The following MLLT1 variants were observed in gnomAD, a reference collection of about 807,000 sequenced individuals.
The protein encoded by MLLT1 is protein ENL.
Under a neutral mutation model 55.1 loss-of-function variants are expected in MLLT1, and 11 were observed. The ratio of observed to expected loss-of-function variants is 0.20; its 90% CI spans 0.13 to 0.33. MLLT1 has a LOEUF of 0.33. Ranked by LOEUF, MLLT1 falls within the 10% of genes least tolerant of loss-of-function variation. MLLT1 has a pLI of 1.00. For missense variants in MLLT1, 536 were observed against 760.6 expected, an observed-to-expected ratio of 0.70 and a Z score of 3.47; for synonymous variants, 323 against 320.1, an observed-to-expected ratio of 1.01 and a Z score of -0.10.
In MLLT1 at chr19:6,270,139, G is replaced by A. The variant is rs542893288; in HGVS notation, c.193+440C>T. Among the ~76,000 whole-genome samples, 3 of 151,076 alleles carry A rather than the reference G, an allele frequency of 2.0e-5. No homozygotes were observed. The highest frequency in any genetic ancestry group is 1.3e-4 in the Admixed American group (2 of 15,094). On this transcript the variant is annotated intron_variant, in intron 2 of 11. Coordinates refer to ENST00000252674, the MANE Select transcript of MLLT1 (RefSeq NM_005934.4). The surrounding 1 kb of genome is among the most constrained non-coding windows in gnomAD (Gnocchi z 7.1). ...ACTCGTGCTGAATCAATGACGGCCT[G>A]AGGCTTGAAGGGAGAGGGAAGACAC...
intron 2 of MLLT1, among the ~76,000 whole-genome samples, chr19:6,265,517 A>T (rs969266299): frequency 1.3e-5 from 2 of 152,098 alleles, no homozygotes; most frequent in African/African-American, 4.8e-5. Context: ...ATAAAAATAC[A>T]AAATTAGCAA....
At chr19:6,267,086 C>T (rs1202922651) in intron 2 of MLLT1, among the ~76,000 whole-genome samples, 3 of 151,986 alleles carry the variant, frequency 2.0e-5, no homozygotes, top group South Asian at 4.1e-4. Flanking sequence ...GGCAACACAG[C>T]GACACCCCCA....
In MLLT1 at chr19:6,219,977, G is replaced by A. The variant is rs1253762093; in HGVS notation, c.1111-1936C>T. ...AGGTGGTGTGATCAGAAGGGCCACC[G>A]GAGCACGCCCGGGGCTCAGAGGGAG... On this transcript the variant is annotated intron_variant, in intron 6 of 11. Transcript: ENST00000252674. The surrounding 1 kb of genome is among the most constrained non-coding windows in gnomAD (Gnocchi z 4.5). 2.0e-5 allele frequency among the ~76,000 whole-genome samples: 3 copies of A among 152,246 alleles called. No homozygotes were observed. Among genetic ancestry groups the A allele is most frequent in the African/African-American group, 4.8e-5 (2 of 41,466 alleles).
In MLLT1 at chr19:6,230,925, C is replaced by A. The variant is rs1294472818; in HGVS notation, c.277-212G>T. Among the ~76,000 whole-genome samples, 1 of 152,166 alleles carries A rather than the reference C, an allele frequency of 6.6e-6. No individual in the cohort carries two copies. Among genetic ancestry groups the A allele is most frequent in the East Asian group, 1.9e-4 (1 of 5,176 alleles). The stretch of plus-strand genomic sequence containing the variant: ...GTGCAGCTAACTGGGTCTTGCAGGC[C>A]CCATGGCAGAAAGAAAGCTCATTCA... On this transcript the variant is annotated intron_variant, in intron 3 of 11. Transcript: ENST00000252674. This position sits in a 1 kb window ranked among gnomAD's most constrained non-coding sequence, Gnocchi z 9.0.
chr19:6,251,846 C>T (rs10414303), intron 3 of MLLT1, among the ~76,000 whole-genome samples: 3,410 of 152,058 alleles, frequency 0.022, 144 homozygotes, highest in African/African-American at 0.078. Flanking sequence ...CCCAGCCACT[C>T]GGAAAGCTGA....
intron 3 of MLLT1, among the ~76,000 whole-genome samples, chr19:6,249,516 G>A (rs773963169): frequency 2.3e-4 from 35 of 152,128 alleles, no homozygotes; most frequent in Non-Finnish European, 4.6e-4. Context: ...GCCCCAGCAT[G>A]TCCTCCCAGC....
chr19:6,230,294 C>T lies in MLLT1; in HGVS notation c.420+276G>A, dbSNP rs1248779872. Among the ~76,000 whole-genome samples the T allele has an allele frequency of 3.3e-5, 5 of 152,352 alleles. No individual in the cohort carries two copies. Among genetic ancestry groups the T allele is most frequent in the South Asian group, 4.1e-4 (2 of 4,830 alleles). ...CAGCCACGCGGTCAGACCAGCCTCG[C>T]GCCCATCCCTTCCCAGCACTTCCTG... On this transcript the variant is annotated intron_variant, in intron 4 of 11. Coordinates refer to ENST00000252674, the MANE Select transcript of MLLT1 (RefSeq NM_005934.4). The surrounding 1 kb of genome is among the most constrained non-coding windows in gnomAD (Gnocchi z 9.0).
intron 1 of MLLT1, among the ~76,000 whole-genome samples, chr19:6,278,856 G>C (rs1262813212): frequency 6.6e-6 from 1 of 152,166 alleles, no homozygotes; most frequent in African/African-American, 2.4e-5. Context: ...GAGTGACCAG[G>C]GCCTGAAACT....
At chr19:6,248,186 C>G (rs546530065) in intron 3 of MLLT1, among the ~76,000 whole-genome samples, 1 of 152,278 alleles carries the variant, frequency 6.6e-6, no homozygotes, top group Non-Finnish European at 1.5e-5. Flanking sequence ...CTGTGCCCAG[C>G]CTGAGATTTT....
chr19:6,211,399 T>C lies in MLLT1; in HGVS notation c.*1643A>G, dbSNP rs1326516249. The C allele has an allele frequency of 4.1e-6, 1 of 242,382 alleles. No individual in the cohort carries two copies. Among genetic ancestry groups the C allele is most frequent in the Non-Finnish European group, 7.9e-6 (1 of 127,000 alleles). The allele number at this position is 242,382 out of a possible 1,614,324, so 15.0% of individuals were successfully genotyped here. A position where few individuals can be genotyped will look rare whatever the true frequency, so the allele number is the denominator to read the frequency against. ...CCTTTCCCCGAGAGTTCTGGGGAGT[T>C]TCCCCAGGACAGCTGGCATTGGGGG... On this transcript the variant is annotated 3_prime_UTR_variant, in exon 12 of 12. Coordinates refer to ENST00000252674, the MANE Select transcript of MLLT1 (RefSeq NM_005934.4). This position sits in a 1 kb window ranked among gnomAD's most constrained non-coding sequence, Gnocchi z 4.6.
chr19:6,253,319 A>G (rs990255013), intron 3 of MLLT1, among the ~76,000 whole-genome samples: 3 of 148,810 alleles, frequency 2.0e-5, no homozygotes, highest in African/African-American at 7.4e-5. Flanking sequence ...CAACACATTG[A>G]TATCAAGAGA....
intron 2 of MLLT1, among the ~76,000 whole-genome samples, chr19:6,264,670 C>T (rs2091332062): frequency 6.6e-6 from 1 of 151,848 alleles, no homozygotes; most frequent in Non-Finnish European, 1.5e-5. Context: ...CTCTGGGAGG[C>T]CGAGGTGGGA....
Position 6,270,247 on chromosome 19 carries a change from T to C in MLLT1, c.193+332A>G, listed in dbSNP as rs923775429. Among the ~76,000 whole-genome samples the C allele has an allele frequency of 1.3e-5, 2 of 150,776 alleles. No homozygotes were observed. The highest frequency in any genetic ancestry group is 1.5e-5 in the Non-Finnish European group (1 of 67,522). ...TCTTCACATGGCACACAAACAAACATAGGCCCGGTCGGCAACTTCCTGATC... is the reference window on the plus strand; with the variant it reads ...TCTTCACATGGCACACAAACAAACACAGGCCCGGTCGGCAACTTCCTGATC... On this transcript the variant is annotated intron_variant, in intron 2 of 11. Coordinates refer to ENST00000252674, the MANE Select transcript of MLLT1 (RefSeq NM_005934.4). The surrounding 1 kb of genome is among the most constrained non-coding windows in gnomAD (Gnocchi z 7.1).
intron 3 of MLLT1, among the ~76,000 whole-genome samples, chr19:6,245,174 CA>C (rs201514103): frequency 2.0e-5 from 3 of 151,008 alleles, no homozygotes; most frequent in Admixed American, 6.6e-5. Context: ...GACTCTCTAA[CA>C]AAAAAAAATT....
rs115321934 is a variant in MLLT1, at chr19:6,262,046, C to T, written c.276+182G>A. On this transcript the variant is annotated intron_variant, in intron 3 of 11. Transcript: ENST00000252674. The surrounding 1 kb of genome is among the most constrained non-coding windows in gnomAD (Gnocchi z 4.4). The stretch of plus-strand genomic sequence containing the variant: ...GCCCACCTGCTGTCATGAAACCAGC[C>T]GTGTCCTGGCCCCCGACGTCCCCAG... Among the ~76,000 whole-genome samples, 1,523 of 152,258 alleles carry T rather than the reference C, an allele frequency of 0.01. 31 individuals are homozygous for T. The highest frequency in any genetic ancestry group is 0.035 in the African/African-American group (1,440 of 41,526).
Position 6,242,158 on chromosome 19 carries a change from C to T in MLLT1, c.277-11445G>A, listed in dbSNP as rs748640220. ...CTGCTCTCCCCAGTCTCAAACTGAG[C>T]GCACGCAGGGGCAGCCCAAGTGGAA... On this transcript the variant is annotated intron_variant, in intron 3 of 11. Coordinates refer to ENST00000252674, the MANE Select transcript of MLLT1 (RefSeq NM_005934.4). Among the ~76,000 whole-genome samples the T allele has an allele frequency of 2.4e-3, 364 of 152,332 alleles. 6 individuals are homozygous for T. The highest frequency in any genetic ancestry group is 7.7e-4 in the East Asian group (4 of 5,182).
At chr19:6,221,881 C>T (rs1456267389) in intron 6 of MLLT1, among the ~76,000 whole-genome samples, 1 of 152,194 alleles carries the variant, frequency 6.6e-6, no homozygotes, top group Non-Finnish European at 1.5e-5. Context: ...GAGCCACCCA[C>T]AAATGCCACC....
rs1287925740 is a variant in MLLT1, at chr19:6,273,861, AG to A, written c.13-3103del. Among the ~76,000 whole-genome samples, 5 of 152,218 alleles carry A rather than the reference AG, an allele frequency of 3.3e-5. No homozygotes were observed. Among genetic ancestry groups the A allele is most frequent in the African/African-American group, 1.2e-4 (5 of 41,456 alleles). ...CTTCCCGGCATTTCTGATGACAGGG[AG>A]TTCCTACCCAGGGCACGCAGGCGGC... On this transcript the variant is annotated intron_variant, in intron 1 of 11. Transcript: ENST00000252674. The surrounding 1 kb of genome is among the most constrained non-coding windows in gnomAD (Gnocchi z 4.3).
chr19:6,276,237 G>A (rs970670966), intron 1 of MLLT1, among the ~76,000 whole-genome samples: 3 of 152,188 alleles, frequency 2.0e-5, no homozygotes, highest in African/African-American at 7.2e-5. Flanking sequence ...GGGAGCAGGT[G>A]AGGAATCTGT....
Sources: allele counts gnomAD v4.1 joint callset (sites outside exome capture counted in the v4.1 genomes callset), GRCh38; gene constraint gnomAD v4.1.1; non-coding constraint Gnocchi (gnomAD v3.1); transcripts MANE v1.5; gene names NCBI Gene and HGNC (gene_info 2026-07-23, HGNC 2026-07-21).